Variants in SRRM4 observed in about 807,000 individuals in gnomAD.
The protein encoded by SRRM4 is serine/arginine repetitive matrix protein 4.
Under a neutral mutation model 68.9 loss-of-function variants are expected in SRRM4, and 33 were observed. The observed-to-expected ratio is 0.48, with a 90% CI of 0.36 to 0.64. The LOEUF (loss-of-function observed/expected upper bound fraction) is 0.64. SRRM4 is among the 30% of genes least tolerant of loss of function. The probability of loss-of-function intolerance (pLI) is 0.00; values close to 1 mark genes in which losing one functional copy is unlikely to be tolerated. For missense variants in SRRM4, 817 were observed against 827.1 expected (o/e 0.99, Z 0.15); for synonymous variants, 318 against 318.8 (o/e 1.00, Z 0.03).
chr12:119,090,454 G>A (rs1954008026), intron 1 of SRRM4, among the ~76,000 whole-genome samples: 2 of 152,132 alleles, frequency 1.3e-5, no homozygotes, highest in Admixed American at 1.3e-4. Context: ...CTGGAATGTG[G>A]ATTCCACCAT....
At chr12:119,056,709 A>G (rs1364461898) in intron 1 of SRRM4, among the ~76,000 whole-genome samples, 1 of 151,300 alleles carries the variant, frequency 6.6e-6, no homozygotes, top group East Asian at 1.9e-4. Context: ...TTTTGCATGC[A>G]TGGCTATTTT....
At chr12:119,043,448 C>A (rs942130239) in intron 1 of SRRM4, among the ~76,000 whole-genome samples, 1 of 152,062 alleles carries the variant, frequency 6.6e-6, no homozygotes, top group Non-Finnish European at 1.5e-5. Flanking sequence ...GGGCTTAATA[C>A]CTAGGTGATG....
At chr12:119,018,084 G>A (rs937566422) in intron 1 of SRRM4, among the ~76,000 whole-genome samples, 7 of 152,182 alleles carry the variant, frequency 4.6e-5, no homozygotes, top group African/African-American at 1.2e-4. Flanking sequence ...GCTCACTGCC[G>A]CCATGTGCTA....
intron 1 of SRRM4, among the ~76,000 whole-genome samples, chr12:119,091,261 G>C (rs926398263): frequency 1.3e-5 from 2 of 152,204 alleles, no homozygotes; most frequent in African/African-American, 4.8e-5. Flanking sequence ...ACTGTAGAGA[G>C]AGAAGCCTGA....
At position 119,153,565 on chromosome 12, in the gene SRRM4, C is replaced by A; in HGVS notation, c.1307C>A (p.Ser436Tyr). ...KRSYSRSPSYSSKSGKRSPPS... is the reference protein window; with the variant it reads ...KRSYSRSPSYYSKSGKRSPPS... ...TCCTACTCCCGCTCTCCCAGCTATT[C>A]CTCCAAGTCTGGCAAGAGGAGCCCG... Residue 436 changes from serine to tyrosine, a missense_variant, in exon 11 of 13, where the codon TCC becomes TAC. Physicochemically the swap from Ser to Tyr is moderately radical, Grantham distance 144. Coordinates refer to ENST00000267260, the MANE Select transcript of SRRM4 (RefSeq NM_194286.4). 6.3e-7 allele frequency: 1 copy of A among 1,575,726 alleles called. No individual in the cohort carries two copies. The highest frequency in any genetic ancestry group is 8.6e-7 in the Non-Finnish European group (1 of 1,161,246).
chr12:119,089,537 A>G (rs1362852939), intron 1 of SRRM4, among the ~76,000 whole-genome samples: 2 of 152,152 alleles, frequency 1.3e-5, no homozygotes, highest in Non-Finnish European at 2.9e-5. Context: ...CCTCTCTCCC[A>G]TGGAGAATCC....
intron 1 of SRRM4, among the ~76,000 whole-genome samples, chr12:119,062,622 A>G (rs1953821507): frequency 6.6e-6 from 1 of 152,208 alleles, no homozygotes; most frequent in South Asian, 2.1e-4. Context: ...AAACCTTTAA[A>G]CTGTTTTAAA....
chr12:119,092,606 C>T (rs1350774938), intron 1 of SRRM4, among the ~76,000 whole-genome samples: 1 of 152,120 alleles, frequency 6.6e-6, no homozygotes, highest in Admixed American at 6.5e-5. Context: ...CAATAAAAGT[C>T]CATAATCTGG....
chr12:119,000,049 AT>A (rs1953374521), intron 1 of SRRM4, among the ~76,000 whole-genome samples: 1 of 152,172 alleles, frequency 6.6e-6, no homozygotes, highest in Non-Finnish European at 1.5e-5. Flanking sequence ...GATGTTTTGT[AT>A]TTTGTACAGA....
At chr12:119,040,181 C>CATTTT (rs1594039114) in intron 1 of SRRM4, among the ~76,000 whole-genome samples, 1 of 147,710 alleles carries the variant, frequency 6.8e-6, no homozygotes, top group East Asian at 2.1e-4. Flanking sequence ...ATAGCAGCTA[C>CATTTT]CTTTTATTTT....
intron 1 of SRRM4, among the ~76,000 whole-genome samples, chr12:118,990,502 T>C (rs1468604565): frequency 6.6e-6 from 1 of 152,228 alleles, no homozygotes; most frequent in African/African-American, 2.4e-5. Flanking sequence ...AAGCAGGAGA[T>C]GAATTCAGGT....
At chr12:119,079,736 C>T (rs1402007970) in intron 1 of SRRM4, among the ~76,000 whole-genome samples, 3 of 152,128 alleles carry the variant, frequency 2.0e-5, no homozygotes, top group Non-Finnish European at 4.4e-5. Flanking sequence ...TTGTCACATC[C>T]TTAAAAAGTG....
intron 1 of SRRM4, among the ~76,000 whole-genome samples, chr12:119,061,109 T>C (rs1809886452): frequency 6.6e-6 from 1 of 152,138 alleles, no homozygotes; most frequent in Non-Finnish European, 1.5e-5. Context: ...GTGACAAGCC[T>C]GTGTACTCAG....
chr12:119,110,191 C>T (rs568518448), intron 2 of SRRM4, among the ~76,000 whole-genome samples: 97 of 152,252 alleles, frequency 6.4e-4, no homozygotes, highest in African/African-American at 1.9e-3. Context: ...CTGGAATCTT[C>T]GTCTCAGAGG....
At chr12:119,084,084 G>T (rs1023417582) in intron 1 of SRRM4, among the ~76,000 whole-genome samples, 13 of 152,302 alleles carry the variant, frequency 8.5e-5, no homozygotes, top group African/African-American at 3.1e-4. Context: ...TTTTACAGGT[G>T]CAGGAACTGA....
At chr12:119,049,928 A>T (rs1009550634) in intron 1 of SRRM4, among the ~76,000 whole-genome samples, 1 of 152,214 alleles carries the variant, frequency 6.6e-6, no homozygotes, top group African/African-American at 2.4e-5. Flanking sequence ...AAACGCAATC[A>T]CATTTTAAAA....
intron 1 of SRRM4, among the ~76,000 whole-genome samples, chr12:119,086,928 T>C (rs1226908498): frequency 1.3e-5 from 2 of 152,202 alleles, no homozygotes; most frequent in Non-Finnish European, 2.9e-5. Flanking sequence ...CTCACAGCTG[T>C]AGAAGGATAC....
chr12:119,065,868 G>A (rs1953842787), intron 1 of SRRM4, among the ~76,000 whole-genome samples: 1 of 151,946 alleles, frequency 6.6e-6, no homozygotes, highest in Non-Finnish European at 1.5e-5. Context: ...TGGGTGGATG[G>A]GTGGATGGGT....
At chr12:119,119,522 A>G (rs1404959569) in intron 4 of SRRM4, among the ~76,000 whole-genome samples, 1 of 151,744 alleles carries the variant, frequency 6.6e-6, no homozygotes, top group African/African-American at 2.4e-5. Context: ...ACGGCCTCCA[A>G]CTGGAGCACT....
Sources: gnomAD v4.1 joint callset for allele counts (sites outside exome capture counted in the v4.1 genomes callset) on GRCh38, gnomAD v4.1.1 for gene constraint, MANE v1.5 for transcripts, NCBI Gene and HGNC (gene_info 2026-07-23, HGNC 2026-07-21) for gene names.